Variants in SHISA6 observed in about 807,000 individuals in gnomAD.
SHISA6 encodes the protein protein shisa-6.
SHISA6 carries 22 observed loss-of-function variants against 47.9 expected under a neutral mutation model. That is an observed-to-expected ratio of 0.46 (90% confidence interval 0.33 to 0.66). The LOEUF is 0.66. Ranked by LOEUF, SHISA6 falls within the 30% of genes least tolerant of loss-of-function variation. SHISA6 has a pLI of 0.02. For missense variants in SHISA6, 680 were observed against 764.6 expected, an observed-to-expected ratio of 0.89 and a Z score of 1.30; for synonymous variants, 388 against 337.8, an observed-to-expected ratio of 1.15 and a Z score of -1.63.
intron 2 of SHISA6, among the ~76,000 whole-genome samples, chr17:11,366,593 C>G (rs1420693223): frequency 6.6e-6 from 1 of 152,194 alleles, no homozygotes; most frequent in African/African-American, 2.4e-5. Context: ...AAGCAGGAAG[C>G]TCAGTCCTCC....
chr17:11,408,327 A>G (rs931629460), intron 3 of SHISA6, among the ~76,000 whole-genome samples: 4 of 152,174 alleles, frequency 2.6e-5, no homozygotes, highest in Admixed American at 6.5e-5. Context: ...CATTCCCTAG[A>G]AACTTGTTAG....
At position 11,558,150 on chromosome 17, in the gene SHISA6, C is replaced by T; in HGVS notation, c.1502C>T (p.Ala501Val). Residue 501 changes from alanine (A) to valine (V), a missense_variant, in exon 6 of 6, where the codon GCC (alanine) becomes GTC (valine). Coordinates refer to ENST00000441885, the MANE Select transcript of SHISA6 (RefSeq NM_207386.4). ...RMSKMHSHPS[A>V]SNNSYATLGQ... ...AGCAAGATGCACTCTCATCCCAGTG[C>T]CTCCAATAACTCATACGCCACCCTG... is the stretch of plus-strand genomic sequence containing the variant. The T allele has an allele frequency of 6.5e-7, 1 of 1,550,298 alleles. No individual in the cohort carries two copies. Among genetic ancestry groups the T allele is most frequent in the Non-Finnish European group, 8.7e-7 (1 of 1,147,016 alleles).
At chr17:11,484,967 C>T (rs532133759) in intron 3 of SHISA6, among the ~76,000 whole-genome samples, 2 of 152,176 alleles carry the variant, frequency 1.3e-5, no homozygotes, top group African/African-American at 4.8e-5. Flanking sequence ...GATAAAAGAG[C>T]GTGTTATTTT....
At position 11,354,808 on chromosome 17, in the gene SHISA6, G is replaced by A. The variant is rs1024949257; in HGVS notation, c.800-24606G>A. On this transcript the variant is annotated intron_variant, in intron 2 of 5. Coordinates refer to ENST00000441885, the MANE Select transcript of SHISA6 (RefSeq NM_207386.4). The stretch of plus-strand genomic sequence containing the variant: ...GTTCCTTCCCTCCAGAAACAGAATA[G>A]CCATTTTTAAATGAAATGTGACGGA... Among the ~76,000 whole-genome samples the A allele has an allele frequency of 1.3e-4, 20 of 152,220 alleles. 1 individual carries two copies. Among genetic ancestry groups the A allele is most frequent in the African/African-American group, 4.8e-4 (20 of 41,538 alleles).
At chr17:11,459,742 C>G (rs77785403) in intron 3 of SHISA6, among the ~76,000 whole-genome samples, 4,442 of 152,254 alleles carry the variant, frequency 0.029, 90 homozygotes, top group Middle Eastern at 0.061. Context: ...AACACAGAAC[C>G]CAGTTCCTTC....
chr17:11,464,094 T>A (rs1364699380), intron 3 of SHISA6, among the ~76,000 whole-genome samples: 2 of 152,120 alleles, frequency 1.3e-5, no homozygotes, highest in Non-Finnish European at 2.9e-5. Flanking sequence ...TTTTTAAATT[T>A]TTTTTAGAGA....
At chr17:11,257,741 T>C (rs1047337980) in intron 1 of SHISA6, among the ~76,000 whole-genome samples, 1 of 152,114 alleles carries the variant, frequency 6.6e-6, no homozygotes, top group African/African-American at 2.4e-5. Flanking sequence ...AGCTCAGTTA[T>C]CTGGGACTCA....
chr17:11,349,627 A>C (rs1199690977), intron 2 of SHISA6, among the ~76,000 whole-genome samples: 2 of 152,178 alleles, frequency 1.3e-5, no homozygotes, highest in African/African-American at 2.4e-5. Flanking sequence ...GGGACGCGTG[A>C]ATGTGTAAGT....
At chr17:11,557,053 A>G (rs1376286470) in intron 5 of SHISA6, among the ~76,000 whole-genome samples, 1 of 152,202 alleles carries the variant, frequency 6.6e-6, no homozygotes, top group Non-Finnish European at 1.5e-5. Flanking sequence ...TACTCCAACC[A>G]GCTTGCGTTA....
At chr17:11,517,796 C>T (rs1258421930) in intron 3 of SHISA6, among the ~76,000 whole-genome samples, 2 of 152,100 alleles carry the variant, frequency 1.3e-5, no homozygotes. Flanking sequence ...TGAGCCACCA[C>T]ACTTGGCCCC....
chr17:11,530,725 A>G (rs562038503), intron 3 of SHISA6, among the ~76,000 whole-genome samples: 1 of 152,292 alleles, frequency 6.6e-6, no homozygotes, highest in East Asian at 1.9e-4. Context: ...TTAGTCGTTT[A>G]TTTAAGATGT....
intron 3 of SHISA6, among the ~76,000 whole-genome samples, chr17:11,399,200 G>C (rs1342722557): frequency 6.6e-6 from 1 of 152,150 alleles, no homozygotes; most frequent in East Asian, 1.9e-4. Context: ...ATGGAATGCA[G>C]CTCTGTTGAA....
At chr17:11,390,725 G>T (rs1048870245) in intron 3 of SHISA6, among the ~76,000 whole-genome samples, 2 of 152,148 alleles carry the variant, frequency 1.3e-5, no homozygotes, top group African/African-American at 4.8e-5. Context: ...CATAGCTGAG[G>T]AAGAAAATAA....
chr17:11,327,806 C>G (rs914790573), intron 2 of SHISA6, among the ~76,000 whole-genome samples: 12 of 152,016 alleles, frequency 7.9e-5, no homozygotes, highest in Admixed American at 5.2e-4. Context: ...CAAAACAAAA[C>G]AAAACAGAAC....
chr17:11,551,645 A>G (rs574836879), intron 3 of SHISA6, among the ~76,000 whole-genome samples: 2 of 152,102 alleles, frequency 1.3e-5, no homozygotes, highest in South Asian at 2.1e-4. Flanking sequence ...CGAAGCCTCT[A>G]TAACTAGTTG....
chr17:11,255,207 G>T (rs539430777), intron 1 of SHISA6, among the ~76,000 whole-genome samples: 17 of 152,320 alleles, frequency 1.1e-4, no homozygotes, highest in Non-Finnish European at 2.4e-4. Context: ...AAAGTCAGTA[G>T]AAATTAAAGT....
At chr17:11,423,967 A>G (rs993027772) in intron 3 of SHISA6, among the ~76,000 whole-genome samples, 1 of 152,244 alleles carries the variant, frequency 6.6e-6, no homozygotes, top group African/African-American at 2.4e-5. Context: ...AGAAAGAATT[A>G]GTAGGTCAGA....
intron 3 of SHISA6, among the ~76,000 whole-genome samples, chr17:11,382,928 CTTTTTTTTT>C (rs10601084): frequency 7.1e-5 from 5 of 70,776 alleles, no homozygotes; most frequent in Non-Finnish European, 1.3e-4. Flanking sequence ...TCCTGTCAGC[CTTTTTTTTT>C]TTTTTTTTTT....
intron 2 of SHISA6, among the ~76,000 whole-genome samples, chr17:11,341,523 C>T (rs1041611835): frequency 9.2e-5 from 14 of 151,752 alleles, no homozygotes; most frequent in African/African-American, 3.4e-4. Context: ...TTATTAGACA[C>T]GGGGTTTCGC....
Sources: gnomAD v4.1 joint callset for allele counts (sites outside exome capture counted in the v4.1 genomes callset) on GRCh38, gnomAD v4.1.1 for gene constraint, MANE v1.5 for transcripts, NCBI Gene and HGNC (gene_info 2026-07-23, HGNC 2026-07-21) for gene names.